EPM2A: variants seen among roughly 807,000 people sequenced by gnomAD.
EPM2A encodes EPM2A glucan phosphatase, laforin.
A neutral mutation model predicts 26.5 loss-of-function variants in EPM2A; 21 were observed. The ratio of observed to expected loss-of-function variants is 0.79; its 90% CI spans 0.56 to 1.14. The LOEUF is 1.14. EPM2A is among the 50% of genes most tolerant of loss of function. The pLI is 0.00. For synonymous variants in EPM2A, 217 were observed against 177.6 expected (o/e 1.22, Z -1.76); for missense variants, 458 against 440.8 (o/e 1.04, Z -0.35).
intron 4 of EPM2A, among the ~76,000 whole-genome samples, chr6:145,458,582 T>C (rs1426543233): frequency 6.6e-6 from 1 of 152,168 alleles, no homozygotes; most frequent in Non-Finnish European, 1.5e-5. Context: ...GAACCCCTAG[T>C]TTATCAGAGC....
At chr6:145,725,478 T>C (rs558095688) in intron 1 of EPM2A, among the ~76,000 whole-genome samples, 3 of 152,154 alleles carry the variant, frequency 2.0e-5, no homozygotes, top group Admixed American at 2.0e-4. Flanking sequence ...CACAAAAATC[T>C]GCACACCAAT....
chr6:145,724,915 C>T (rs1204586420), intron 1 of EPM2A, among the ~76,000 whole-genome samples: 2 of 151,672 alleles, frequency 1.3e-5, no homozygotes, highest in South Asian at 2.1e-4. Flanking sequence ...AAACTAGACG[C>T]CCTTGGATTT....
At chr6:145,422,443 T>G (rs1337956138) in intron 4 of EPM2A, among the ~76,000 whole-genome samples, 1 of 147,908 alleles carries the variant, frequency 6.8e-6, no homozygotes, top group Non-Finnish European at 1.5e-5. Flanking sequence ...GAATTTCTCC[T>G]TACAGATATG....
intron 2 of EPM2A, among the ~76,000 whole-genome samples, chr6:145,596,479 T>TA (rs1476346832): frequency 1.3e-5 from 2 of 152,210 alleles, no homozygotes; most frequent in Middle Eastern, 3.2e-3. Flanking sequence ...ATTAGTATAA[T>TA]GTAAGTTTTA....
At chr6:145,393,817 CTATTTTTTTTTCTTT>C (rs1778369176) in intron 4 of EPM2A, among the ~76,000 whole-genome samples, 1 of 116,410 alleles carries the variant, frequency 8.6e-6, no homozygotes, top group South Asian at 2.9e-4. Flanking sequence ...CAACCTATGA[CTATTTTTTTTTCTTT>C]TTTTTTTTTG....
chr6:145,627,764 A>C, intron 3 of EPM2A, 71 bp from the exon 4 acceptor site: 9 of 1,578,620 alleles, frequency 5.7e-6, no homozygotes, highest in Non-Finnish European at 7.7e-6. Flanking sequence ...GGTCTCCTCC[A>C]GCACAGCCTG....
chr6:145,577,582 C>T (rs1210504812), intron 2 of EPM2A, among the ~76,000 whole-genome samples: 5 of 151,004 alleles, frequency 3.3e-5, no homozygotes, highest in African/African-American at 1.2e-4. Flanking sequence ...ATGTAGACCC[C>T]CCCCCAATAC....
chr6:145,392,170 A>G (rs1778345617), intron 4 of EPM2A, among the ~76,000 whole-genome samples: 1 of 152,202 alleles, frequency 6.6e-6, no homozygotes, highest in Admixed American at 6.5e-5. Context: ...ACATGCTTAA[A>G]TTAGTTTGTT....
intron 1 of EPM2A, among the ~76,000 whole-genome samples, chr6:145,704,440 G>A (rs533376171): frequency 8.5e-5 from 13 of 152,196 alleles, no homozygotes; most frequent in Non-Finnish European, 1.8e-4. Context: ...ATTTCCTATC[G>A]CTTTTCATTT....
chr6:145,390,292 C>T (rs1030629873), intron 4 of EPM2A, among the ~76,000 whole-genome samples: 4 of 151,750 alleles, frequency 2.6e-5, no homozygotes, highest in Non-Finnish European at 5.9e-5. Flanking sequence ...TCAAAATTCA[C>T]CAATTTAAAT....
At chr6:145,726,114 T>C (rs1050139784) in intron 1 of EPM2A, among the ~76,000 whole-genome samples, 2 of 151,992 alleles carry the variant, frequency 1.3e-5, no homozygotes, top group Non-Finnish European at 2.9e-5. Flanking sequence ...TCAGAGCACC[T>C]TGTAGTGCCA....
downstream of EPM2A, among the ~76,000 whole-genome samples, chr6:145,622,187 T>C (rs768863467): frequency 1.3e-5 from 2 of 152,186 alleles, no homozygotes; most frequent in Non-Finnish European, 2.9e-5. Context: ...ATGCCTGATA[T>C]AACAACAGTA....
At chr6:145,555,217 A>G (rs1018683545) in intron 2 of EPM2A, among the ~76,000 whole-genome samples, 7 of 152,058 alleles carry the variant, frequency 4.6e-5, no homozygotes, top group African/African-American at 1.7e-4. Flanking sequence ...GCTAGCAATC[A>G]TCATGTTAGC....
intron 4 of EPM2A, among the ~76,000 whole-genome samples, chr6:145,473,998 G>A (rs1779509034): frequency 6.6e-6 from 1 of 152,038 alleles, no homozygotes; most frequent in Non-Finnish European, 1.5e-5. Flanking sequence ...GTAGTAGTAA[G>A]TACACAGAAA....
chr6:145,711,803 C>T (rs1047259788), intron 1 of EPM2A, among the ~76,000 whole-genome samples: 13 of 151,768 alleles, frequency 8.6e-5, no homozygotes, highest in African/African-American at 2.9e-4. Flanking sequence ...ATGCATTTTT[C>T]CTCAAAAAAA....
At chr6:145,598,164 G>A (rs775636676) in intron 2 of EPM2A, among the ~76,000 whole-genome samples, 3 of 152,068 alleles carry the variant, frequency 2.0e-5, no homozygotes, top group Admixed American at 6.5e-5. Flanking sequence ...TTTCCATAAT[G>A]GCTGAACTAA....
At chr6:145,709,604 C>T (rs886189771) in intron 1 of EPM2A, among the ~76,000 whole-genome samples, 1 of 152,102 alleles carries the variant, frequency 6.6e-6, no homozygotes, top group Non-Finnish European at 1.5e-5. Flanking sequence ...TACCCAGTCT[C>T]GAGTATGTCT....
chr6:145,638,831 T>C (rs1398962043), intron 2 of EPM2A: 1 of 151,648 alleles, frequency 6.6e-6, no homozygotes. Flanking sequence ...TTCAGTTTGT[T>C]TTCCAAAAGT....
intron 2 of EPM2A, among the ~76,000 whole-genome samples, chr6:145,577,383 G>T (rs895318631): frequency 2.8e-4 from 42 of 149,916 alleles, no homozygotes; most frequent in African/African-American, 1.0e-3. Flanking sequence ...AAAAAAAAGA[G>T]CAGGAGGGGC....
Sources: gnomAD v4.1 joint callset for allele counts (sites outside exome capture counted in the v4.1 genomes callset) on GRCh38, gnomAD v4.1.1 for gene constraint, MANE v1.5 for transcripts, NCBI Gene and HGNC (gene_info 2026-07-23, HGNC 2026-07-21) for gene names.